Variants in GALNT18 observed in about 807,000 individuals in gnomAD.
GALNT18 encodes the protein GalNAc-transferase 18.
Under a neutral mutation model 69.5 loss-of-function variants are expected in GALNT18, and 44 were observed. The ratio of observed to expected loss-of-function variants is 0.63; its 90% confidence interval spans 0.50 to 0.81. The LOEUF (loss-of-function observed/expected upper bound fraction) is 0.81, where lower values mean the gene tolerates loss of function less well. GALNT18 is among the 40% of genes least tolerant of loss of function. The probability of loss-of-function intolerance (pLI) is 0.00; values close to 1 mark genes in which losing one functional copy is unlikely to be tolerated. For missense variants in GALNT18, 715 were observed against 810.0 expected, an observed-to-expected ratio of 0.88 and a Z score of 1.42; for synonymous variants, 364 against 318.2, an observed-to-expected ratio of 1.14 and a Z score of -1.53.
chr11:11,395,590 G>A (rs1156997137), intron 3 of GALNT18, among the ~76,000 whole-genome samples: 2 of 152,224 alleles, frequency 1.3e-5, no homozygotes, highest in South Asian at 2.1e-4. Context: ...GCCAATTGAT[G>A]TGTGGCAAAT....
chr11:11,334,458 G>A (rs1336863344), intron 7 of GALNT18, among the ~76,000 whole-genome samples: 1 of 151,852 alleles, frequency 6.6e-6, no homozygotes. Flanking sequence ...CAGGAGAATG[G>A]TGTGAACCCA....
At chr11:11,328,748 G>A (rs932643427) in intron 8 of GALNT18, among the ~76,000 whole-genome samples, 7 of 152,168 alleles carry the variant, frequency 4.6e-5, no homozygotes, top group Non-Finnish European at 7.3e-5. Flanking sequence ...ACCTTAGTGG[G>A]AAGAGCATAT....
chr11:11,316,616 T>C (rs1382397893), intron 9 of GALNT18, among the ~76,000 whole-genome samples: 1 of 152,224 alleles, frequency 6.6e-6, no homozygotes, highest in Non-Finnish European at 1.5e-5. Flanking sequence ...TCAGAAGGAA[T>C]TAAAGTCGCT....
intron 1 of GALNT18, among the ~76,000 whole-genome samples, chr11:11,559,201 C>G (rs570200896): frequency 2.3e-4 from 35 of 152,326 alleles, no homozygotes; most frequent in African/African-American, 8.2e-4. Context: ...AAACTACTAT[C>G]CACTCTTTGA....
chr11:11,492,480 A>G (rs1856791227), intron 1 of GALNT18, among the ~76,000 whole-genome samples: 1 of 152,258 alleles, frequency 6.6e-6, no homozygotes, highest in Non-Finnish European at 1.5e-5. Context: ...TACAATAGCA[A>G]AGACTTGGAA....
chr11:11,419,619 A>AAAAAAGAAAG (rs1554932034), intron 3 of GALNT18, among the ~76,000 whole-genome samples: 7 of 128,454 alleles, frequency 5.4e-5, no homozygotes, highest in East Asian at 2.3e-4. Flanking sequence ...AAAAAAAAAA[A>AAAAAAGAAAG]AAAGAAAGAA....
chr11:11,428,026 C>T (rs1282788704), intron 3 of GALNT18, among the ~76,000 whole-genome samples: 3 of 152,244 alleles, frequency 2.0e-5, no homozygotes, highest in African/African-American at 7.2e-5. Context: ...CTGCCAAACT[C>T]CCCATGGCAG....
At position 11,463,542 on chromosome 11, in the gene GALNT18, C is replaced by G. The variant is rs920195032; in HGVS notation, c.236-14606G>C. Among the ~76,000 whole-genome samples the G allele has an allele frequency of 1.3e-5, 2 of 152,146 alleles. No homozygotes were observed. Among genetic ancestry groups the G allele is most frequent in the Non-Finnish European group, 2.9e-5 (2 of 68,030 alleles). On this transcript the variant is annotated intron_variant, in intron 1 of 10. Coordinates refer to ENST00000227756, the MANE Select transcript of GALNT18 (RefSeq NM_198516.3). This position sits in a 1 kb window ranked among gnomAD's most constrained non-coding sequence, Gnocchi z 4.2. The stretch of plus-strand genomic sequence containing the variant: ...TAGCTGTTGTGGCCCCAGGGCTGAG[C>G]GTGCCATCACTCCCAGCAGCTGTCG...
At position 11,441,716 on chromosome 11, in the gene GALNT18, G is replaced by A. The variant is rs150351945; in HGVS notation, c.428+7028C>T. Reference sequence around the variant, plus strand: ...GCAGGTGACGGCTCGTGAATCTTTCGCTCATGGTTAGCAACTCTGGGATGG... The same window carrying A: ...GCAGGTGACGGCTCGTGAATCTTTCACTCATGGTTAGCAACTCTGGGATGG... On this transcript the variant is annotated intron_variant, in intron 2 of 10. Transcript: ENST00000227756. 9.6e-4 allele frequency among the ~76,000 whole-genome samples: 146 copies of A among 152,258 alleles called. 2 individuals carry two copies. The East Asian group carries it at 0.023, about 24-fold the overall frequency.
chr11:11,350,897 C>T (rs1850388727), intron 6 of GALNT18, among the ~76,000 whole-genome samples: 1 of 152,170 alleles, frequency 6.6e-6, no homozygotes, highest in Non-Finnish European at 1.5e-5. Flanking sequence ...ACTGTGTGAG[C>T]AAAATAGGAC....
At chr11:11,365,455 A>G (rs1269069275) in intron 6 of GALNT18, among the ~76,000 whole-genome samples, 1 of 152,222 alleles carries the variant, frequency 6.6e-6, no homozygotes, top group Non-Finnish European at 1.5e-5. Context: ...TGCAATAAAC[A>G]TACATGTACA....
At chr11:11,278,122 T>C (rs1468967665) in intron 10 of GALNT18, among the ~76,000 whole-genome samples, 2 of 151,980 alleles carry the variant, frequency 1.3e-5, no homozygotes, top group African/African-American at 2.4e-5. Context: ...CCCACTATTA[T>C]TGTGTGGGGG....
At chr11:11,420,683 G>A (rs1235193030) in intron 3 of GALNT18, among the ~76,000 whole-genome samples, 1 of 152,224 alleles carries the variant, frequency 6.6e-6, no homozygotes, top group Admixed American at 6.5e-5. Flanking sequence ...TCAAGCTGCT[G>A]AGAAAGATAG....
At position 11,540,349 on chromosome 11, in the gene GALNT18, G is replaced by A. The variant is rs1857886239; in HGVS notation, c.235+81010C>T. ...GGAAACTTGTGACTCCTACATCCCT[G>A]ATGCTAGGACAAGAGCATGCCAAGA... On this transcript the variant is annotated intron_variant, in intron 1 of 10. Transcript: ENST00000227756. The surrounding 1 kb of genome is among the most constrained non-coding windows in gnomAD (Gnocchi z 4.6). Among the ~76,000 whole-genome samples the A allele has an allele frequency of 6.6e-6, 1 of 152,132 alleles. No individual in the cohort carries two copies. Among genetic ancestry groups the A allele is most frequent in the African/African-American group, 2.4e-5 (1 of 41,404 alleles).
At position 11,372,108 on chromosome 11, in the gene GALNT18, C is replaced by A. The variant is rs1589946997; in HGVS notation, c.1092+407G>T. On this transcript the variant is annotated intron_variant, in intron 6 of 10. Coordinates refer to ENST00000227756, the MANE Select transcript of GALNT18 (RefSeq NM_198516.3). This position sits in a 1 kb window ranked among gnomAD's most constrained non-coding sequence, Gnocchi z 4.9. ...AAGTCTTTGGGAATGTTCTATGGGCCACTGTGGAGAAGACAGAGACTGTCA... is the reference window on the plus strand; with the variant it reads ...AAGTCTTTGGGAATGTTCTATGGGCAACTGTGGAGAAGACAGAGACTGTCA... 3.3e-5 allele frequency among the ~76,000 whole-genome samples: 5 copies of A among 152,258 alleles called. No homozygotes were observed. The highest frequency in any genetic ancestry group is 3.3e-4 in the Admixed American group (5 of 15,304).
At position 11,432,219 on chromosome 11, in the gene GALNT18, C is replaced by T. The variant is rs1855280901; in HGVS notation, c.595+402G>A. On this transcript the variant is annotated intron_variant, in intron 3 of 10. Coordinates refer to ENST00000227756, the MANE Select transcript of GALNT18 (RefSeq NM_198516.3). The surrounding 1 kb of genome is among the most constrained non-coding windows in gnomAD (Gnocchi z 5.8). ...CCACCAGCACCATCATCACCACTGC[C>T]ACTGCTAACATAACACCAGTGAACA... 6.6e-6 allele frequency among the ~76,000 whole-genome samples: 1 copy of T among 152,192 alleles called. No individual in the cohort carries two copies. Among genetic ancestry groups the T allele is most frequent in the Non-Finnish European group, 1.5e-5 (1 of 68,032 alleles).
At chr11:11,482,289 G>A (rs569374386) in intron 1 of GALNT18, among the ~76,000 whole-genome samples, 16 of 152,362 alleles carry the variant, frequency 1.1e-4, no homozygotes, top group African/African-American at 3.4e-4. Flanking sequence ...CAGTGGGCAC[G>A]CCGTCACTGT....
At chr11:11,326,041 C>CA (rs771725723) in intron 9 of GALNT18, among the ~76,000 whole-genome samples, 1 of 105,424 alleles carries the variant, frequency 9.5e-6, no homozygotes, top group African/African-American at 3.7e-5. Context: ...TGCTAAATAT[C>CA]TTTTTTTTTT....
At chr11:11,277,535 T>C (rs1356834008) in intron 10 of GALNT18, among the ~76,000 whole-genome samples, 1 of 152,208 alleles carries the variant, frequency 6.6e-6, no homozygotes, top group Admixed American at 6.5e-5. Context: ...TTTCTTTCCT[T>C]CTGCCAGCTT....
Sources: gnomAD v4.1 joint callset for allele counts (sites outside exome capture counted in the v4.1 genomes callset) on GRCh38, gnomAD v4.1.1 for gene constraint, Gnocchi (gnomAD v3.1) non-coding constraint, MANE v1.5 for transcripts, NCBI Gene and HGNC (gene_info 2026-07-23, HGNC 2026-07-21) for gene names.